ZNF470: variants seen among roughly 807,000 people sequenced by gnomAD.
ZNF470 encodes zinc finger protein 470.
A neutral mutation model predicts 13.9 loss-of-function variants in ZNF470; 13 were observed. The observed-to-expected ratio is 0.94, with a 90% CI of 0.61 to 1.49. The LOEUF is 1.49. Ranked by LOEUF, ZNF470 falls within the 40% of genes most tolerant of loss-of-function variation. The probability of loss-of-function intolerance (pLI) is 0.00; values close to 1 mark genes in which losing one functional copy is unlikely to be tolerated. For missense variants in ZNF470, 929 were observed against 857.3 expected, an observed-to-expected ratio of 1.08 and a Z score of -1.04; for synonymous variants, 293 against 282.9, an observed-to-expected ratio of 1.04 and a Z score of -0.36.
chr19:56,567,855 C>G lies in ZNF470; in HGVS notation c.-342C>G, dbSNP rs549137729. The G allele has an allele frequency of 1.7e-4, 168 of 985,852 alleles. No individual in the cohort carries two copies. The African/African-American group carries it at 2.4e-3, about 14-fold the overall frequency. 61.1% of individuals were successfully genotyped at this position (985,852 alleles called of 1,614,324 possible). On this transcript the variant is annotated 5_prime_UTR_variant, in exon 1 of 6. Coordinates refer to ENST00000330619, the MANE Select transcript of ZNF470 (RefSeq NM_001001668.4). ...GGCCGGAGGAGGCTTACCCCGTTCT[C>G]CCCTGTATCGACTGCGTAGAGCCCA...
Position 56,581,046 on chromosome 19 carries a change from A to G in ZNF470, c.*2463A>G. ...GCACTAATGCATAACCCCAAAGCTG[A>G]CATTAGGCTTTTATATGGTGGAAAA... On this transcript the variant is annotated 3_prime_UTR_variant, in exon 6 of 6. Transcript: ENST00000330619. The G allele has an allele frequency of 1.0e-6, 1 of 985,304 alleles. No individual in the cohort carries two copies. The highest frequency in any genetic ancestry group is 1.2e-6 in the Non-Finnish European group (1 of 829,800). 61.0% of individuals were successfully genotyped at this position (985,304 alleles called of 1,614,324 possible).
rs941889513 is a variant in ZNF470 at position 56,567,580 on chromosome 19, T to G, written c.-617T>G. 22 of 985,900 alleles carry G rather than the reference T, an allele frequency of 2.2e-5. No homozygotes were observed. Among genetic ancestry groups the G allele is most frequent in the Non-Finnish European group, 2.5e-5 (21 of 831,522 alleles). 61.1% of individuals were successfully genotyped at this position (985,900 alleles called of 1,614,324 possible). Reference sequence around the variant, plus strand: ...CTGGACTGGGGCGCGGCGGGGGCGGTGTCCTGGTTCCTGTGTGGGCGGCGG... The same window carrying G: ...CTGGACTGGGGCGCGGCGGGGGCGGGGTCCTGGTTCCTGTGTGGGCGGCGG... On this transcript the variant is annotated 5_prime_UTR_variant, in exon 1 of 6. Coordinates refer to ENST00000330619, the MANE Select transcript of ZNF470 (RefSeq NM_001001668.4).
At chr19:56,574,047 A>C (rs2044472458) in intron 3 of ZNF470, 1 of 728,326 alleles carries the variant, frequency 1.4e-6, no homozygotes, top group South Asian at 6.2e-5. Flanking sequence ...CTCCATGTAG[A>C]GAAGTGATTT....
In ZNF470 at chr19:56,579,091, T is replaced by TA; in HGVS notation, c.*508_*509insA. ...ACATTGTTGATGAGCAACTCTCACTTTACCTGACACTGAGAAGTGAGAATC... is the reference window on the plus strand; with the variant it reads ...ACATTGTTGATGAGCAACTCTCACTTATACCTGACACTGAGAAGTGAGAATC... On this transcript the variant is annotated 3_prime_UTR_variant, in exon 6 of 6. Transcript: ENST00000330619. 5.1e-6 allele frequency: 5 copies of TA among 985,600 alleles called. No homozygotes were observed. Among genetic ancestry groups the TA allele is most frequent in the Non-Finnish European group, 6.0e-6 (5 of 830,058 alleles). The allele number at this position is 985,600 out of a possible 1,614,324, so 61.1% of individuals were successfully genotyped here. A position where few individuals can be genotyped will look rare whatever the true frequency, so the allele number is the denominator to read the frequency against.
In ZNF470 at chr19:56,579,570, A is replaced by AAT; in HGVS notation, c.*988_*989insTA. The AAT allele has an allele frequency of 1.0e-6, 1 of 985,464 alleles. No homozygotes were observed. Among genetic ancestry groups the AAT allele is most frequent in the Non-Finnish European group, 1.2e-6 (1 of 829,934 alleles). 61.0% of individuals were successfully genotyped at this position (985,464 alleles called of 1,614,324 possible). A position where few individuals can be genotyped will look rare whatever the true frequency, so the allele number is the denominator to read the frequency against. ...GGTAGTTCAATACTTTGGCCTTTAT[A>AAT]AAAGTACCACAGACAATTCGTGTGG... is the stretch of plus-strand genomic sequence containing the variant. On this transcript the variant is annotated 3_prime_UTR_variant, in exon 6 of 6. Transcript: ENST00000330619.
At chr19:56,570,521 G>C in intron 3 of ZNF470, 150 bp downstream of exon 3, 1 of 730,640 alleles carries the variant, frequency 1.4e-6, no homozygotes, top group Non-Finnish European at 2.3e-6. Context: ...ATGGGGTTGT[G>C]AGTGAGGGAT....
intron 5 of ZNF470, among the ~76,000 whole-genome samples, chr19:56,575,452 A>ATT (rs74269125): frequency 2.9e-5 from 4 of 138,044 alleles, no homozygotes; most frequent in East Asian, 2.1e-4. Context: ...ATTTCATTCA[A>ATT]TTTTTTTTTT....
At chr19:56,573,945 T>C (rs911257383) in intron 3 of ZNF470, 3 of 985,110 alleles carry the variant, frequency 3.0e-6, no homozygotes, top group Non-Finnish European at 3.6e-6. Flanking sequence ...CACTAAGATT[T>C]CTTAGAAAAT....
At chr19:56,571,561 A>C (rs1388121192) in intron 3 of ZNF470, among the ~76,000 whole-genome samples, 1 of 152,150 alleles carries the variant, frequency 6.6e-6, no homozygotes, top group Non-Finnish European at 1.5e-5. Flanking sequence ...TTACAAACTT[A>C]GAAAATTAAA....
rs79165645 is a variant in ZNF470, at chr19:56,567,781, G to T, written c.-416G>T. Reference sequence around the variant, plus strand: ...GGCCCGGCGGCGTGCGGAAGGCGGTGTGTGTTGGAATGAGTGAAGCACTTT... The same window carrying T: ...GGCCCGGCGGCGTGCGGAAGGCGGTTTGTGTTGGAATGAGTGAAGCACTTT... On this transcript the variant is annotated 5_prime_UTR_variant, in exon 1 of 6. Coordinates refer to ENST00000330619, the MANE Select transcript of ZNF470 (RefSeq NM_001001668.4). The T allele has an allele frequency of 3.5e-3, 3,479 of 987,400 alleles. 82 individuals carry two copies. In the South Asian group the frequency reaches 0.066, roughly 19 times the overall value. 61.2% of individuals were successfully genotyped at this position (987,400 alleles called of 1,614,324 possible).
Position 56,570,267 on chromosome 19 carries a change from T to C in ZNF470, c.-32-13T>C. The C allele has an allele frequency of 6.3e-7, 1 of 1,594,324 alleles. No homozygotes were observed. The highest frequency in any genetic ancestry group is 8.6e-7 in the Non-Finnish European group (1 of 1,163,386). On this transcript the variant is annotated splice_polypyrimidine_tract_variant and intron_variant, in intron 2 of 5. Transcript: ENST00000330619. ...GTGCTACTTGGTTTCTCACTACTTC[T>C]TTTTCTCCCCAGCTCTACAATCCCA... is the stretch of plus-strand genomic sequence containing the variant.
intron 3 of ZNF470, among the ~76,000 whole-genome samples, chr19:56,571,201 A>G (rs1194329007): frequency 6.6e-6 from 1 of 152,232 alleles, no homozygotes; most frequent in Middle Eastern, 3.2e-3. Context: ...AATGTTTTAC[A>G]TCCTTTCTTC....
rs1367284707 is a variant in ZNF470, at chr19:56,579,220, G to C, written c.*637G>C. On this transcript the variant is annotated 3_prime_UTR_variant, in exon 6 of 6. Transcript: ENST00000330619. ...GCAGATTGCTTGAGCTCAGGAGTTC[G>C]AGACCAACCTGAGCAACATGGTGAA... 8.2e-6 allele frequency: 7 copies of C among 858,208 alleles called. No individual in the cohort carries two copies. Among genetic ancestry groups the C allele is most frequent in the Non-Finnish European group, 9.8e-6 (7 of 714,250 alleles). 53.2% of individuals were successfully genotyped at this position (858,208 alleles called of 1,614,324 possible).
At chr19:56,571,992 A>G (rs1373634684) in intron 3 of ZNF470, among the ~76,000 whole-genome samples, 1 of 151,952 alleles carries the variant, frequency 6.6e-6, no homozygotes, top group Non-Finnish European at 1.5e-5. Context: ...TAATGCCATG[A>G]AACATACACT....
chr19:56,577,113 A>C lies in ZNF470; in HGVS notation c.684A>C (p.Leu228Phe). Reference protein sequence around the residue: ...HKQDRGEKKLLKCNDCEKIFS... With the variant: ...HKQDRGEKKLFKCNDCEKIFS... Reference sequence around the variant, plus strand: ...AAGACCGTGGAGAAAAGAAACTTTTAAAATGTAATGACTGTGAGAAAATAT... The same window carrying C: ...AAGACCGTGGAGAAAAGAAACTTTTCAAATGTAATGACTGTGAGAAAATAT... Residue 228 changes from leucine (L) to phenylalanine (F), a missense_variant, in exon 6 of 6, where the codon TTA becomes TTC. By Grantham distance (22) the Leu-to-Phe change is conservative. Coordinates refer to ENST00000330619, the MANE Select transcript of ZNF470 (RefSeq NM_001001668.4). The C allele has an allele frequency of 6.2e-7, 1 of 1,610,252 alleles. No homozygotes were observed. The highest frequency in any genetic ancestry group is 1.1e-5 in the South Asian group (1 of 90,314).
rs147651091 is a variant in ZNF470 at position 56,573,256 on chromosome 19, A to T, written c.61-1138A>T. ...ATCCTTATCATAGGCAACAATTCTTAAGCAATTACATCATGCCAGGCATTT... is the reference window on the plus strand; with the variant it reads ...ATCCTTATCATAGGCAACAATTCTTTAGCAATTACATCATGCCAGGCATTT... On this transcript the variant is annotated intron_variant, in intron 3 of 5. Coordinates refer to ENST00000330619, the MANE Select transcript of ZNF470 (RefSeq NM_001001668.4). 3.5e-4 allele frequency among the ~76,000 whole-genome samples: 53 copies of T among 152,210 alleles called. No homozygotes were observed. In the East Asian group the frequency reaches 9.9e-3, roughly 28 times the overall value.
Position 56,581,546 on chromosome 19 carries a change from C to G in ZNF470, c.*2963C>G. 2 of 764,838 alleles carry G rather than the reference C, an allele frequency of 2.6e-6. No individual in the cohort carries two copies. Among genetic ancestry groups the G allele is most frequent in the African/African-American group, 3.8e-5 (2 of 52,756 alleles). The allele number at this position is 764,838 out of a possible 1,614,324, so 47.4% of individuals were successfully genotyped here. Reference sequence around the variant, plus strand: ...AAATTAATTATGGTATATATCCATTCAATAGGAATTATGCAGCTGTTGAAA... The same window carrying G: ...AAATTAATTATGGTATATATCCATTGAATAGGAATTATGCAGCTGTTGAAA... On this transcript the variant is annotated 3_prime_UTR_variant, in exon 6 of 6. Transcript: ENST00000330619.
At position 56,582,204 on chromosome 19, in the gene ZNF470, G is replaced by T; in HGVS notation, c.*3621G>T. On this transcript the variant is annotated 3_prime_UTR_variant, in exon 6 of 6. Coordinates refer to ENST00000330619, the MANE Select transcript of ZNF470 (RefSeq NM_001001668.4). ...ATTATTCATTATAGTCACCTGGGAT[G>T]AATAGAGGTCTAGGGTTCTGGATAA... The T allele has an allele frequency of 1.0e-6, 1 of 985,384 alleles. No homozygotes were observed. The allele number at this position is 985,384 out of a possible 1,614,324, so 61.0% of individuals were successfully genotyped here. A position where few individuals can be genotyped will look rare whatever the true frequency, so the allele number is the denominator to read the frequency against.
chr19:56,570,959 C>T (rs925926968), intron 3 of ZNF470, among the ~76,000 whole-genome samples: 2 of 152,200 alleles, frequency 1.3e-5, no homozygotes, highest in African/African-American at 4.8e-5. Context: ...TTAGCTCCTT[C>T]CTGCCTCCTT....
Sources: allele counts gnomAD v4.1 joint callset (sites outside exome capture counted in the v4.1 genomes callset), GRCh38; gene constraint gnomAD v4.1.1; transcripts MANE v1.5; gene names NCBI Gene and HGNC (gene_info 2026-07-23, HGNC 2026-07-21).